Variants in NEDD4 observed in about 807,000 individuals in gnomAD.
The protein encoded by NEDD4 is NEDD4 E3 ubiquitin protein ligase.
Under a neutral mutation model 144.9 loss-of-function variants are expected in NEDD4, and 99 were observed. The ratio of observed to expected loss-of-function variants is 0.68; its 90% confidence interval spans 0.58 to 0.81. NEDD4 has a LOEUF of 0.81. Ranked by LOEUF, NEDD4 falls within the 30% of genes least tolerant of loss-of-function variation. The pLI is 0.00. For missense variants in NEDD4, 985 were observed against 1,065.9 expected, an observed-to-expected ratio of 0.92 and a Z score of 1.06; for synonymous variants, 318 against 350.6, an observed-to-expected ratio of 0.91 and a Z score of 1.04.
At chr15:55,855,257 T>C (rs1000122811) in intron 12 of NEDD4, among the ~76,000 whole-genome samples, 12 of 152,148 alleles carry the variant, frequency 7.9e-5, no homozygotes, top group African/African-American at 2.7e-4. Context: ...ATACCCTACT[T>C]TTCAAAGCTG....
At position 55,919,581 on chromosome 15, in the gene NEDD4, C is replaced by G. The variant is rs114708192; in HGVS notation, c.291+5065G>C. Among the ~76,000 whole-genome samples the G allele has an allele frequency of 3.6e-3, 549 of 152,288 alleles. 4 individuals carry two copies. The highest frequency in any genetic ancestry group is 0.013 in the African/African-American group (528 of 41,570). On this transcript the variant is annotated intron_variant, in intron 5 of 28. Coordinates refer to ENST00000435532, the MANE Select transcript of NEDD4 (RefSeq NM_006154.4). ...GGGAACTTGCTATAAAATGTAGTCTCTCAGTCCAGCAAATACCAAAACAGG... is the reference window on the plus strand; with the variant it reads ...GGGAACTTGCTATAAAATGTAGTCTGTCAGTCCAGCAAATACCAAAACAGG...
At chr15:55,921,187 G>A (rs942760255) in intron 5 of NEDD4, among the ~76,000 whole-genome samples, 16 of 152,134 alleles carry the variant, frequency 1.1e-4, no homozygotes, top group Non-Finnish European at 2.1e-4. Context: ...GGCAAATATT[G>A]TTGTCCTCAT....
chr15:55,883,552 G>A (rs1333552496), intron 5 of NEDD4, among the ~76,000 whole-genome samples: 2 of 152,066 alleles, frequency 1.3e-5, no homozygotes, highest in East Asian at 1.9e-4. Flanking sequence ...GGCAGCTAGC[G>A]AGTGGTTACA....
intron 1 of NEDD4, among the ~76,000 whole-genome samples, chr15:55,971,370 A>G (rs2037605261): frequency 6.6e-6 from 1 of 152,200 alleles, no homozygotes; most frequent in African/African-American, 2.4e-5. Context: ...CATGCCTGTA[A>G]TCCCAGCACT....
At chr15:55,959,443 C>A (rs572722852) in intron 2 of NEDD4, among the ~76,000 whole-genome samples, 198 of 152,234 alleles carry the variant, frequency 1.3e-3, no homozygotes, top group African/African-American at 4.6e-3. Flanking sequence ...ATTAACGTAC[C>A]ATGTGCATTT....
chr15:55,882,930 G>C (rs1192707392), intron 5 of NEDD4, among the ~76,000 whole-genome samples: 10 of 152,204 alleles, frequency 6.6e-5, no homozygotes, highest in African/African-American at 2.2e-4. Context: ...GTGAGACTCT[G>C]AGACATACAG....
intron 14 of NEDD4, among the ~76,000 whole-genome samples, chr15:55,850,094 G>A (rs751197762): frequency 6.6e-6 from 1 of 152,028 alleles, no homozygotes; most frequent in Non-Finnish European, 1.5e-5. Context: ...CACTGCACCC[G>A]GCCTTTAGGT....
chr15:55,964,712 TGTG>T (rs2037483871), intron 2 of NEDD4, among the ~76,000 whole-genome samples: 1 of 151,100 alleles, frequency 6.6e-6, no homozygotes, highest in Non-Finnish European at 1.5e-5. Flanking sequence ...TGTGTGTGTG[TGTG>T]TGTGTGTGTG....
chr15:55,873,207 C>T (rs1295523982), intron 6 of NEDD4, among the ~76,000 whole-genome samples: 1 of 152,164 alleles, frequency 6.6e-6, no homozygotes, highest in South Asian at 2.1e-4. Flanking sequence ...GCTGGCCCTC[C>T]GTTCTTATCT....
At chr15:55,968,738 C>G (rs1252539922) in intron 1 of NEDD4, among the ~76,000 whole-genome samples, 3 of 152,078 alleles carry the variant, frequency 2.0e-5, no homozygotes, top group African/African-American at 7.2e-5. Context: ...TACTAAAGTT[C>G]TAAAATAAAA....
intron 1 of NEDD4, 65 bp from the exon 2 acceptor site, chr15:55,966,611 A>T (rs6493829): frequency 0.53 from 358,853 of 675,640 alleles, 98,259 homozygotes; most frequent in Non-Finnish European, 0.55. Context: ...ACAATTTTTT[A>T]AAAAATATAT....
At chr15:55,900,280 G>A (rs1218033541) in intron 5 of NEDD4, among the ~76,000 whole-genome samples, 1 of 152,182 alleles carries the variant, frequency 6.6e-6, no homozygotes, top group Non-Finnish European at 1.5e-5. Flanking sequence ...AGAGCGCATG[G>A]GAGCCATGCC....
At chr15:55,988,881 G>T (rs1004135756) in intron 1 of NEDD4, among the ~76,000 whole-genome samples, 2 of 152,214 alleles carry the variant, frequency 1.3e-5, no homozygotes, top group Non-Finnish European at 2.9e-5. Flanking sequence ...TGCAGAATCT[G>T]TATGAGAAGA....
intron 5 of NEDD4, chr15:55,916,383 C>A: frequency 6.2e-7 from 1 of 1,614,060 alleles, no homozygotes; most frequent in Non-Finnish European, 8.5e-7. Flanking sequence ...GTTACTAAGG[C>A]TACCACTACA....
intron 2 of NEDD4, among the ~76,000 whole-genome samples, chr15:55,965,329 G>T (rs2037493809): frequency 6.6e-6 from 1 of 151,904 alleles, no homozygotes; most frequent in African/African-American, 2.4e-5. Flanking sequence ...AGTCACCCAT[G>T]TAGCCAGGAG....
rs1416428099 is a variant in NEDD4, at chr15:55,860,729, G to T, written c.724C>A (p.Arg242Ser). 1 of 1,614,054 alleles carries T rather than the reference G, an allele frequency of 6.2e-7. No homozygotes were observed. Among genetic ancestry groups the T allele is most frequent in the African/African-American group, 1.3e-5 (1 of 74,924 alleles). The change falls in exon 10 of 29, where the codon CGT (arginine) becomes AGT (serine). Residue 242 changes from arginine to serine, a missense_variant. Transcript: ENST00000435532. ...ENGNIQLQAQ[R>S]AFTTRRQISE... ...ATCTGCCGCCTGGTGGTAAATGCAC[G>T]TTGTGCTTGCAGTTGAATGTTGCCA...
intron 1 of NEDD4, among the ~76,000 whole-genome samples, chr15:55,967,118 C>G (rs1231648258): frequency 6.6e-6 from 1 of 152,190 alleles, no homozygotes; most frequent in Admixed American, 6.5e-5. Flanking sequence ...CTCCTGACCT[C>G]AGGTGATCTG....
At chr15:55,993,441 C>A in intron 1 of NEDD4, 70 bp downstream of exon 1, 2 of 1,558,484 alleles carry the variant, frequency 1.3e-6, no homozygotes, top group African/African-American at 1.4e-5. Context: ...GCCGCCGCCG[C>A]TACCTCCCCG....
intron 4 of NEDD4, among the ~76,000 whole-genome samples, chr15:55,943,764 G>A (rs2037052987): frequency 6.6e-6 from 1 of 152,228 alleles, no homozygotes; most frequent in African/African-American, 2.4e-5. Flanking sequence ...ACACTGCCTA[G>A]TGGAGCTGTG....
Sources: allele counts gnomAD v4.1 joint callset (sites outside exome capture counted in the v4.1 genomes callset), GRCh38; gene constraint gnomAD v4.1.1; transcripts MANE v1.5; gene names NCBI Gene and HGNC (gene_info 2026-07-23, HGNC 2026-07-21).